PHF19: variants seen among roughly 807,000 people sequenced by gnomAD.
PHF19 encodes the protein PHD finger protein 19.
In PHF19, 21 loss-of-function variants were observed where a neutral mutation model predicts 79.8. The observed-to-expected ratio is 0.26, with a 90% CI of 0.19 to 0.38. The LOEUF is 0.38. Ranked by LOEUF, PHF19 falls within the 10% of genes least tolerant of loss-of-function variation. PHF19 has a pLI of 1.00. For missense variants in PHF19, 445 were observed against 744.2 expected, an observed-to-expected ratio of 0.60 and a Z score of 4.68; for synonymous variants, 273 against 296.3, an observed-to-expected ratio of 0.92 and a Z score of 0.81.
chr9:120,874,368 G>A lies in PHF19; in HGVS notation c.186+188C>T, dbSNP rs2131559653. ...GAGCACTTTTCTAAAGAACTAGTTG[G>A]ATGATGTTGACCCTAGGGATGGTGC... On this transcript the variant is annotated intron_variant, in intron 2 of 14. Coordinates refer to ENST00000373896, the MANE Select transcript of PHF19 (RefSeq NM_015651.3). The surrounding 1 kb of genome is among the most constrained non-coding windows in gnomAD (Gnocchi z 4.5). Among the ~76,000 whole-genome samples, 1 of 152,286 alleles carries A rather than the reference G, an allele frequency of 6.6e-6. No individual in the cohort carries two copies. The highest frequency in any genetic ancestry group is 2.4e-5 in the African/African-American group (1 of 41,536).
chr9:120,901,588 G>C, the PHF19 span, among the ~76,000 whole-genome samples: 1 of 152,180 alleles, frequency 6.6e-6, no homozygotes, highest in Non-Finnish European at 1.5e-5. Context: ...TGTAAAAGAG[G>C]ATTAAAGGGT....
Position 120,864,100 on chromosome 9 carries a change from A to G in PHF19, c.917T>C (p.Val306Ala). 6.2e-7 allele frequency: 1 copy of G among 1,613,820 alleles called. No homozygotes were observed. Among genetic ancestry groups the G allele is most frequent in the Non-Finnish European group, 8.5e-7 (1 of 1,179,878 alleles). The change falls in exon 10 of 15, where the codon GTG becomes GCG. Residue 306 changes from valine to alanine, a missense_variant. Physicochemically the swap from Val to Ala is moderately conservative, Grantham distance 64. Around this residue, in one of 5 missense-constraint regions of PHF19, gnomAD observed 167 missense variants for 375.8 expected, o/e 0.44. Coordinates refer to ENST00000373896, the MANE Select transcript of PHF19 (RefSeq NM_015651.3). ...LQLGKLTSTPVTDRGPHLLNA... is the reference protein window; with the variant it reads ...LQLGKLTSTPATDRGPHLLNA... The stretch of plus-strand genomic sequence containing the variant: ...GAGGAGATGTGGTCCTCGATCTGTC[A>G]CTGGGGTGCTGGTGAGCTGTGGGAG...
chr9:120,888,025 T>G (rs1213332539), intron 1 of PHF19, among the ~76,000 whole-genome samples: 1 of 152,180 alleles, frequency 6.6e-6, no homozygotes, highest in East Asian at 1.9e-4. Flanking sequence ...CAGACTGGAG[T>G]GCAGTCGCAC....
chr9:120,867,588 C>T (rs956309915), intron 6 of PHF19, among the ~76,000 whole-genome samples: 1 of 152,198 alleles, frequency 6.6e-6, no homozygotes, highest in Admixed American at 6.5e-5. Flanking sequence ...TTGGGGAAGC[C>T]TCTGGGATGC....
chr9:120,877,151 G>C lies in PHF19; in HGVS notation c.-76C>G, dbSNP rs1466414731. 1.0e-6 allele frequency: 1 copy of C among 984,794 alleles called. No homozygotes were observed. The highest frequency in any genetic ancestry group is 1.8e-5 in the African/African-American group (1 of 57,128). The allele number at this position is 984,794 out of a possible 1,614,324, so 61.0% of individuals were successfully genotyped here. A position where few individuals can be genotyped will look rare whatever the true frequency, so the allele number is the denominator to read the frequency against. On this transcript the variant is annotated 5_prime_UTR_variant, in exon 1 of 15. Transcript: ENST00000373896. ...CTGGCCACCAGGCGCATCGGTGGCG[G>C]AGGCGGCTGCGCTCGGCCCGCGGCT...
At chr9:120,886,822 G>A (rs975637210) in intron 1 of PHF19, among the ~76,000 whole-genome samples, 4 of 152,206 alleles carry the variant, frequency 2.6e-5, no homozygotes, top group Admixed American at 6.5e-5. Flanking sequence ...TCTTAGAGAT[G>A]TGGTTAACAT....
At chr9:120,901,861 G>A in the PHF19 span, among the ~76,000 whole-genome samples, 1 of 152,194 alleles carries the variant, frequency 6.6e-6, no homozygotes, top group South Asian at 2.1e-4. Flanking sequence ...TGTGACTGAA[G>A]CACTGACAAG....
intron 1 of PHF19, chr9:120,894,726 C>CGG: frequency 1.1e-6 from 1 of 901,610 alleles, no homozygotes; most frequent in Non-Finnish European, 1.4e-6. Context: ...GCCCACCCGG[C>CGG]CGCCCGCGGC....
chr9:120,896,543 C>T (rs1326564904), upstream of PHF19, among the ~76,000 whole-genome samples: 1 of 150,880 alleles, frequency 6.6e-6, no homozygotes, highest in African/African-American at 2.4e-5. Context: ...GCTCCGCCTC[C>T]CGGGTTCACG....
intron 1 of PHF19, among the ~76,000 whole-genome samples, chr9:120,885,114 A>T (rs2046244975): frequency 6.6e-6 from 1 of 152,120 alleles, no homozygotes; most frequent in Admixed American, 6.5e-5. Context: ...ACTACTCAGG[A>T]GGCTGAAGTA....
upstream of PHF19, among the ~76,000 whole-genome samples, chr9:120,878,910 G>C (rs1018424085): frequency 2.0e-5 from 3 of 152,284 alleles, no homozygotes; most frequent in Admixed American, 2.0e-4. Flanking sequence ...CTGATGATGG[G>C]AGCAGAACAC....
At chr9:120,899,315 G>A (rs1019456174), upstream of PHF19, among the ~76,000 whole-genome samples, 11 of 151,992 alleles carry the variant, frequency 7.2e-5, no homozygotes, top group African/African-American at 2.7e-4. Context: ...TGGCTAACAT[G>A]GTGAAACCCT....
At chr9:120,868,773 C>T (rs2045785693) in intron 6 of PHF19, 3 of 955,948 alleles carry the variant, frequency 3.1e-6, no homozygotes, top group Non-Finnish European at 3.8e-6. Context: ...CTCCCCACCC[C>T]GCCCCTCCAC....
Position 120,858,240 on chromosome 9 carries a change from T to A in PHF19, c.1447A>T (p.Met483Leu), listed in dbSNP as rs767617200. Residue 483 changes from methionine to leucine, a missense_variant, in exon 15 of 15, where the codon ATG becomes TTG. Around this residue, in one of 5 missense-constraint regions of PHF19, gnomAD observed 125 missense variants for 180.5 expected, o/e 0.69. Transcript: ENST00000373896. ...GCCCACCGCTTTGCCCGCAGGGGCA[T>A]GTATGCCTTGGCTGCCAGCTTCCTC... is the stretch of plus-strand genomic sequence containing the variant. ...RKRKLAAKAY[M>L]PLRAKRWAAE... 8 of 1,555,980 alleles carry A rather than the reference T, an allele frequency of 5.1e-6. No homozygotes were observed. In the East Asian group the frequency reaches 1.8e-4, roughly 35 times the overall value.
rs925354622 is a variant in PHF19 at position 120,874,482 on chromosome 9, G to C, written c.186+74C>G. The C allele has an allele frequency of 3.6e-5, 37 of 1,019,020 alleles. No homozygotes were observed. The highest frequency in any genetic ancestry group is 3.3e-4 in the Admixed American group (17 of 51,630). The allele number at this position is 1,019,020 out of a possible 1,614,324, so 63.1% of individuals were successfully genotyped here. ...TCTCCAGCAATCCCCCTGCCCCCTG[G>C]TCTGACAGCCAGGCTGGAACATGAG... On this transcript the variant is annotated intron_variant, in intron 2 of 14. Coordinates refer to ENST00000373896, the MANE Select transcript of PHF19 (RefSeq NM_015651.3). The surrounding 1 kb of genome is among the most constrained non-coding windows in gnomAD (Gnocchi z 4.5).
At position 120,874,765 on chromosome 9, in the gene PHF19, G is replaced by T. The variant is rs1352350088; in HGVS notation, c.-15-9C>A. On this transcript the variant is annotated splice_polypyrimidine_tract_variant and intron_variant, in intron 1 of 14. Transcript: ENST00000373896. This position sits in a 1 kb window ranked among gnomAD's most constrained non-coding sequence, Gnocchi z 4.5. ...ATCAGCTTCCCCTGACACTGGGAGA[G>T]AAAGAACAGGGTTTTTGCTTCTTGC... 1 of 1,593,656 alleles carries T rather than the reference G, an allele frequency of 6.3e-7. No homozygotes were observed. Among genetic ancestry groups the T allele is most frequent in the Non-Finnish European group, 8.6e-7 (1 of 1,164,024 alleles).
chr9:120,864,801 G>A (rs1488198122), intron 9 of PHF19, among the ~76,000 whole-genome samples: 1 of 151,866 alleles, frequency 6.6e-6, no homozygotes, highest in Non-Finnish European at 1.5e-5. Flanking sequence ...CGATAAAACA[G>A]AAAAAGATAT....
chr9:120,865,767 G>A lies in PHF19; in HGVS notation c.843C>T (p.Asp281=), dbSNP rs112260400. ...LGVQSKKKYF[D]FEEILAFVNH... Reference sequence around the variant, plus strand: ...TGACAAAGGCCAGAATCTCCTCAAAGTCAAAGTACTTCTTCTTGCTCTGTA... The same window carrying A: ...TGACAAAGGCCAGAATCTCCTCAAAATCAAAGTACTTCTTCTTGCTCTGTA... The change falls in exon 9 of 15, where the codon GAC becomes GAT. Residue 281 remains aspartate (D), a synonymous_variant. Transcript: ENST00000373896. The A allele has an allele frequency of 3.1e-6, 5 of 1,614,140 alleles. No individual in the cohort carries two copies. The African/African-American group carries it at 5.3e-5, about 17-fold the overall frequency.
At chr9:120,892,633 T>C (rs2046357329) in intron 1 of PHF19, among the ~76,000 whole-genome samples, 1 of 152,134 alleles carries the variant, frequency 6.6e-6, no homozygotes, top group Admixed American at 6.6e-5. Flanking sequence ...GACCTCAAGG[T>C]CCACACTTGT....
Sources: allele counts gnomAD v4.1 joint callset (sites outside exome capture counted in the v4.1 genomes callset), GRCh38; gene constraint gnomAD v4.1.1; regional missense constraint gnomAD v4.1.1; non-coding constraint Gnocchi (gnomAD v3.1); transcripts MANE v1.5; gene names NCBI Gene and HGNC (gene_info 2026-07-23, HGNC 2026-07-21).